EGFLAM: variants seen among roughly 807,000 people sequenced by gnomAD.
EGFLAM encodes EGF like, fibronectin type III and laminin G domains.
In EGFLAM, 79 loss-of-function variants were observed where a neutral mutation model predicts 113.1. That is an observed-to-expected ratio of 0.70 (90% confidence interval 0.58 to 0.84). EGFLAM has a LOEUF of 0.84. Ranked by LOEUF, EGFLAM falls within the 40% of genes least tolerant of loss-of-function variation. The probability of loss-of-function intolerance (pLI) is 0.00; values close to 1 mark genes in which losing one functional copy is unlikely to be tolerated. For missense variants in EGFLAM, 1,265 were observed against 1,291.6 expected (o/e 0.98, Z 0.32); for synonymous variants, 504 against 487.6 (o/e 1.03, Z -0.44).
chr5:38,312,131 G>A (rs900039156), intron 1 of EGFLAM, among the ~76,000 whole-genome samples: 12 of 152,116 alleles, frequency 7.9e-5, no homozygotes, highest in Non-Finnish European at 2.9e-5. Flanking sequence ...TGTATGGTGT[G>A]GTTACAAGTG....
intron 15 of EGFLAM, among the ~76,000 whole-genome samples, chr5:38,434,270 A>T (rs1231159328): frequency 6.6e-6 from 1 of 152,142 alleles, no homozygotes; most frequent in Non-Finnish European, 1.5e-5. Context: ...CTAGGGTAGG[A>T]TATGAGACTC....
At chr5:38,313,853 C>T (rs1453955025) in intron 1 of EGFLAM, among the ~76,000 whole-genome samples, 1 of 152,094 alleles carries the variant, frequency 6.6e-6, no homozygotes, top group Non-Finnish European at 1.5e-5. Flanking sequence ...TCTCTATGCA[C>T]CATAAAATGT....
chr5:38,448,164 G>C, intron 17 of EGFLAM, 137 bp from the exon 18 acceptor site: 1 of 930,904 alleles, frequency 1.1e-6, no homozygotes, highest in Non-Finnish European at 1.7e-6. Flanking sequence ...CCAAATATGC[G>C]TGCAGCCGAA....
intron 5 of EGFLAM, among the ~76,000 whole-genome samples, chr5:38,364,429 A>G (rs62353603): frequency 0.038 from 5,851 of 152,294 alleles, 179 homozygotes; most frequent in Middle Eastern, 0.088. Flanking sequence ...AAAAGCTTAG[A>G]CTGAGGAAGC....
intron 1 of EGFLAM, among the ~76,000 whole-genome samples, chr5:38,269,628 T>A (rs1457061038): frequency 7.9e-5 from 12 of 152,084 alleles, no homozygotes; most frequent in Admixed American, 7.9e-4. Context: ...TAGCTGGGAC[T>A]ACAGGTGCGC....
At position 38,418,090 on chromosome 5, in the gene EGFLAM, C is replaced by T. The variant is rs769119603; in HGVS notation, c.1519C>T (p.Arg507Trp). ...SQGQYSKITFRTPLYLGGAPS... is the reference protein window; with the variant it reads ...SQGQYSKITFWTPLYLGGAPS... ...GGGCCAATACAGTAAAATTACTTTC[C>T]GGACACCTCTCTATCTTGGTGGCGC... The change falls in exon 12 of 22, where the codon CGG (arginine) becomes TGG (tryptophan). Residue 507 changes from arginine to tryptophan, a missense_variant. Physicochemically the swap from Arg to Trp is moderately radical, Grantham distance 101. Transcript: ENST00000322350. 1.6e-5 allele frequency: 26 copies of T among 1,613,662 alleles called. No homozygotes were observed. The highest frequency in any genetic ancestry group is 1.0e-4 in the Admixed American group (6 of 59,952).
intron 1 of EGFLAM, among the ~76,000 whole-genome samples, chr5:38,271,694 T>G (rs12656805): frequency 0.41 from 62,963 of 152,066 alleles, 13,564 homozygotes; most frequent in Middle Eastern, 0.58. Flanking sequence ...GAAGTCTTCG[T>G]GTACTCTTCC....
chr5:38,311,337 A>G (rs1738440126), intron 1 of EGFLAM, among the ~76,000 whole-genome samples: 1 of 152,080 alleles, frequency 6.6e-6, no homozygotes, highest in African/African-American at 2.4e-5. Context: ...GTATCCTTTG[A>G]CCAGCATCTC....
At chr5:38,433,888 G>A (rs1282525568) in intron 15 of EGFLAM, among the ~76,000 whole-genome samples, 2 of 152,162 alleles carry the variant, frequency 1.3e-5, no homozygotes, top group African/African-American at 4.8e-5. Context: ...ATTGACAGAA[G>A]GCATTTTGGT....
At chr5:38,301,988 C>A (rs1406127564) in intron 1 of EGFLAM, among the ~76,000 whole-genome samples, 1 of 151,968 alleles carries the variant, frequency 6.6e-6, no homozygotes, top group African/African-American at 2.4e-5. Context: ...ACCTGTAATC[C>A]CAGCACTTTG....
At chr5:38,339,976 A>G (rs1299749718) in intron 3 of EGFLAM, among the ~76,000 whole-genome samples, 1 of 152,184 alleles carries the variant, frequency 6.6e-6, no homozygotes, top group Non-Finnish European at 1.5e-5. Flanking sequence ...GAACTCACCA[A>G]GGAGTCTGAT....
At position 38,352,208 on chromosome 5, in the gene EGFLAM, C is replaced by T; in HGVS notation, c.422C>T (p.Pro141Leu). 6.2e-7 allele frequency: 1 copy of T among 1,614,140 alleles called. No individual in the cohort carries two copies. The highest frequency in any genetic ancestry group is 8.5e-7 in the Non-Finnish European group (1 of 1,180,004). ...VTTLSQDSCL[P>L]PAAPQQPHVI... ...TCATCCCACCTAGATTCCTGCCTGC[C>T]TCCTGCAGCTCCCCAGCAGCCACAT... The change falls in exon 5 of 22, where the codon CCT becomes CTT. Residue 141 changes from proline (P) to leucine (L), a missense_variant. Physicochemically the swap from Pro to Leu is moderately conservative, Grantham distance 98. Coordinates refer to ENST00000322350, the MANE Select transcript of EGFLAM (RefSeq NM_152403.4).
At chr5:38,433,879 T>C (rs1240500299) in intron 15 of EGFLAM, among the ~76,000 whole-genome samples, 3 of 152,184 alleles carry the variant, frequency 2.0e-5, no homozygotes, top group Admixed American at 6.5e-5. Context: ...CGGAAGGCTA[T>C]TGACAGAAGG....
At chr5:38,431,379 G>A (rs1742183059) in intron 15 of EGFLAM, 91 bp downstream of exon 15, 1 of 1,300,484 alleles carries the variant, frequency 7.7e-7, no homozygotes, top group Non-Finnish European at 1.1e-6. Flanking sequence ...AGAGTGTTCT[G>A]GTTAACTACA....
In EGFLAM at chr5:38,332,504, C is replaced by T. The variant is rs374267276; in HGVS notation, c.98-5016C>T. Among the ~76,000 whole-genome samples the T allele has an allele frequency of 5.9e-5, 9 of 152,182 alleles. No individual in the cohort carries two copies. The South Asian group carries it at 8.3e-4, about 14-fold the overall frequency. ...GGTTGGGGAGACCCTAACCCAGCAG[C>T]GCTAGATGAATTAAATACACGCACA... On this transcript the variant is annotated intron_variant, in intron 1 of 21. Coordinates refer to ENST00000322350, the MANE Select transcript of EGFLAM (RefSeq NM_152403.4).
intron 19 of EGFLAM, among the ~76,000 whole-genome samples, chr5:38,456,487 A>G (rs1743091819): frequency 6.6e-6 from 1 of 152,166 alleles, no homozygotes; most frequent in East Asian, 1.9e-4. Context: ...TTCCGCCACC[A>G]GGCTGCTTTA....
In EGFLAM at chr5:38,445,683, T is replaced by TG. The variant is rs558408507; in HGVS notation, c.2465-2615dup. 1.3e-4 allele frequency: 206 copies of TG among 1,598,486 alleles called. 1 individual carries two copies. In the South Asian group the frequency reaches 1.4e-3, roughly 11 times the overall value. On this transcript the variant is annotated intron_variant, in intron 17 of 21. Coordinates refer to ENST00000322350, the MANE Select transcript of EGFLAM (RefSeq NM_152403.4). ...TTTCATGCTGGCACCGGGCAGAGTG[T>TG]GGGAACTACTGCCTCAATAGTAAGT...
intron 1 of EGFLAM, among the ~76,000 whole-genome samples, chr5:38,262,814 T>C (rs1039749401): frequency 6.6e-6 from 1 of 152,202 alleles, no homozygotes; most frequent in Admixed American, 6.5e-5. Flanking sequence ...CTTTGGAAGA[T>C]ATATGTTTCC....
chr5:38,404,471 T>C (rs902895227), intron 6 of EGFLAM, among the ~76,000 whole-genome samples: 1 of 152,128 alleles, frequency 6.6e-6, no homozygotes, highest in African/African-American at 2.4e-5. Context: ...CTGTGAAAAA[T>C]AAATGTTTGT....
Sources: allele counts gnomAD v4.1 joint callset (sites outside exome capture counted in the v4.1 genomes callset), GRCh38; gene constraint gnomAD v4.1.1; transcripts MANE v1.5; gene names NCBI Gene and HGNC (gene_info 2026-07-23, HGNC 2026-07-21).